Variants in RAI1 observed in about 807,000 individuals in gnomAD.
RAI1 encodes the protein retinoic acid-induced protein 1.
In RAI1, 9 loss-of-function variants were observed where a neutral mutation model predicts 123.8. The ratio of observed to expected loss-of-function variants is 0.07; its 90% CI spans 0.04 to 0.13. The LOEUF is 0.13. Ranked by LOEUF, RAI1 falls within the 10% of genes least tolerant of loss-of-function variation. The pLI is 1.00. For missense variants in RAI1, 2,256 were observed against 2,545.8 expected (o/e 0.89, Z 2.45); for synonymous variants, 1,231 against 1,127.3 (o/e 1.09, Z -1.84).
At chr17:17,802,103 C>T (rs1396237341) in intron 3 of RAI1, 2 of 470,926 alleles carry the variant, frequency 4.2e-6, no homozygotes, top group Admixed American at 4.7e-5. Flanking sequence ...GTTTGCTTCA[C>T]TCTTCCAAGG....
rs775060465 is a variant in RAI1 at position 17,796,152 on chromosome 17, G to A, written c.3204G>A (p.Thr1068=). 12 of 1,565,540 alleles carry A rather than the reference G, an allele frequency of 7.7e-6. No homozygotes were observed. In the Middle Eastern group the frequency reaches 5.1e-4, roughly 66 times the overall value. The change falls in exon 3 of 6, where the codon ACG becomes ACA. Residue 1068 remains threonine, a synonymous_variant. Coordinates refer to ENST00000353383, the MANE Select transcript of RAI1 (RefSeq NM_030665.4). The surrounding 1 kb of genome is among the most constrained non-coding windows in gnomAD (Gnocchi z 5.8). ...TCACGGCCCTGAGTGAGCCCCGCAC[G>A]CCCGGACCCCCAGGCCTGACCACCA... The part of the protein sequence containing the change: ...RSLTALSEPR[T]PGPPGLTTTP...
chr17:17,718,431 T>C (rs1915777239), intron 1 of RAI1, among the ~76,000 whole-genome samples: 1 of 152,226 alleles, frequency 6.6e-6, no homozygotes, highest in Admixed American at 6.5e-5. Context: ...TTTCACATGG[T>C]AGCCCCAGCT....
chr17:17,697,700 G>A (rs551326844), intron 1 of RAI1, among the ~76,000 whole-genome samples: 2 of 152,322 alleles, frequency 1.3e-5, no homozygotes, highest in South Asian at 2.1e-4. Flanking sequence ...TGGGGTTTGT[G>A]TACATGGCAG....
chr17:17,791,730 G>T (rs1284818370), intron 2 of RAI1, among the ~76,000 whole-genome samples: 2 of 152,186 alleles, frequency 1.3e-5, no homozygotes, highest in Non-Finnish European at 2.9e-5. Flanking sequence ...AAAACCTGGG[G>T]CATTCCTCTT....
chr17:17,778,817 C>T lies in RAI1; in HGVS notation c.-16-14116C>T, dbSNP rs1269550258. ...GGGGCCAGGCCAAGCTAGCTATGTA[C>T]AGCTGGAAGAGGCTCTCTCCCCCAG... is the stretch of plus-strand genomic sequence containing the variant. On this transcript the variant is annotated intron_variant, in intron 2 of 5. Transcript: ENST00000353383. 2.2e-5 allele frequency: 10 copies of T among 456,642 alleles called. No homozygotes were observed. In the Admixed American group the frequency reaches 2.3e-4, roughly 11 times the overall value. The allele number at this position is 456,642 out of a possible 1,614,324, so 28.3% of individuals were successfully genotyped here.
At chr17:17,706,115 G>A (rs1915386997) in intron 1 of RAI1, among the ~76,000 whole-genome samples, 1 of 151,962 alleles carries the variant, frequency 6.6e-6, no homozygotes, top group South Asian at 2.1e-4. Flanking sequence ...CAGGCCAGCA[G>A]GGAGCTATGG....
intron 1 of RAI1, among the ~76,000 whole-genome samples, chr17:17,683,091 T>C (rs1432492669): frequency 6.6e-6 from 1 of 152,194 alleles, no homozygotes; most frequent in Non-Finnish European, 1.5e-5. Flanking sequence ...TTTATGTCTT[T>C]CCAATGCAGT....
At chr17:17,784,932 A>G (rs1270905659) in intron 2 of RAI1, among the ~76,000 whole-genome samples, 4 of 152,128 alleles carry the variant, frequency 2.6e-5, no homozygotes, top group Non-Finnish European at 5.9e-5. Flanking sequence ...GCTGCTGCTT[A>G]CATGGGGTGC....
rs866451141 is a variant in RAI1 at position 17,731,360 on chromosome 17, G to A, written c.-17+7201G>A. On this transcript the variant is annotated intron_variant, in intron 2 of 5. Transcript: ENST00000353383. ...ACAGGGGCTGGGTCTCCAAGGGGAA[G>A]CATTTTGCTGCAGAAGGAAGGGTGT... Among the ~76,000 whole-genome samples, 12 of 152,364 alleles carry A rather than the reference G, an allele frequency of 7.9e-5. No homozygotes were observed. In the South Asian group the frequency reaches 2.5e-3, roughly 32 times the overall value.
At chr17:17,688,812 C>G (rs1238873695) in intron 1 of RAI1, among the ~76,000 whole-genome samples, 2 of 151,930 alleles carry the variant, frequency 1.3e-5, no homozygotes, top group Non-Finnish European at 2.9e-5. Context: ...GCTGGTCAGG[C>G]TGGTCTCAAA....
intron 2 of RAI1, among the ~76,000 whole-genome samples, chr17:17,769,299 G>A (rs2031054535): frequency 6.6e-6 from 1 of 152,162 alleles, no homozygotes; most frequent in Non-Finnish European, 1.5e-5. Context: ...GGATGGGGGT[G>A]TCCCCCCAAA....
chr17:17,805,766 G>A (rs2032582918), intron 4 of RAI1, among the ~76,000 whole-genome samples: 2 of 152,194 alleles, frequency 1.3e-5, no homozygotes, highest in African/African-American at 2.4e-5. Context: ...CTCCCACTCT[G>A]AGCAGTGTGA....
At chr17:17,730,620 G>A (rs1916238377) in intron 2 of RAI1, among the ~76,000 whole-genome samples, 1 of 152,256 alleles carries the variant, frequency 6.6e-6, no homozygotes, top group Non-Finnish European at 1.5e-5. Flanking sequence ...TGGCTTCAAT[G>A]CTGCTGCCCA....
chr17:17,796,611 G>T lies in RAI1; in HGVS notation c.3663G>T (p.Ala1221=). Residue 1221 remains alanine, a synonymous_variant, in exon 3 of 6, where the codon GCG becomes GCT. Transcript: ENST00000353383. The surrounding 1 kb of genome is among the most constrained non-coding windows in gnomAD (Gnocchi z 5.8). ...GSKLSDRPLH[A]LKRKSAFMAP... ...AGCTCTCTGACCGGCCCCTCCATGC[G>T]CTCAAAAGGAAGTCGGCCTTCATGG... is the stretch of plus-strand genomic sequence containing the variant. The T allele has an allele frequency of 6.2e-7, 1 of 1,612,080 alleles. No individual in the cohort carries two copies. Among genetic ancestry groups the T allele is most frequent in the Non-Finnish European group, 8.5e-7 (1 of 1,179,784 alleles).
intron 2 of RAI1, among the ~76,000 whole-genome samples, chr17:17,776,257 A>G (rs899447502): frequency 6.6e-6 from 1 of 152,150 alleles, no homozygotes; most frequent in African/African-American, 2.4e-5. Flanking sequence ...AAACCAGGTT[A>G]TTTTTTCAGT....
At position 17,800,180 on chromosome 17, in the gene RAI1, G is replaced by GTGTC. The variant is rs1407505001; in HGVS notation, c.5565+1668_5565+1669insGTCT. On this transcript the variant is annotated intron_variant, in intron 3 of 5. Transcript: ENST00000353383. The surrounding 1 kb of genome is among the most constrained non-coding windows in gnomAD (Gnocchi z 4.7). Reference sequence around the variant, plus strand: ...TCTCTCCTGCTTTCTGTCTCTCTCTGTCTCTCTCTCTCTCTCTCTCTCTCT... The same window carrying GTGTC: ...TCTCTCCTGCTTTCTGTCTCTCTCTGTGTCTCTCTCTCTCTCTCTCTCTCTCTCT... 8.6e-6 allele frequency among the ~76,000 whole-genome samples: 1 copy of GTGTC among 116,318 alleles called. No individual in the cohort carries two copies. Among genetic ancestry groups the GTGTC allele is most frequent in the African/African-American group, 3.0e-5 (1 of 33,338 alleles). 76.3% of individuals were successfully genotyped at this position (116,318 alleles called of 152,430 possible).
rs746390296 is a variant in RAI1 at position 17,794,999 on chromosome 17, C to T, written c.2051C>T (p.Pro684Leu). ...DKGGNAKDFS[P>L]GLFEDPSVAF... ...GGCGGCAATGCCAAGGACTTCAGCC[C>T]AGGGCTGTTTGAAGACCCTTCCGTG... Residue 684 changes from proline to leucine, a missense_variant, in exon 3 of 6, where the codon CCA (proline) becomes CTA (leucine). Coordinates refer to ENST00000353383, the MANE Select transcript of RAI1 (RefSeq NM_030665.4). The T allele has an allele frequency of 6.2e-7, 1 of 1,614,074 alleles. No individual in the cohort carries two copies.
At chr17:17,694,238 A>T (rs191410805) in intron 1 of RAI1, among the ~76,000 whole-genome samples, 84 of 152,250 alleles carry the variant, frequency 5.5e-4, no homozygotes, top group Middle Eastern at 3.4e-3. Flanking sequence ...TCTCTGCCCA[A>T]TAACGGATGC....
At position 17,809,174 on chromosome 17, in the gene RAI1, G is replaced by A. The variant is rs2032655447; in HGVS notation, c.5660-216G>A. The A allele has an allele frequency of 1.5e-6, 1 of 651,588 alleles. No individual in the cohort carries two copies. Among genetic ancestry groups the A allele is most frequent in the African/African-American group, 1.8e-5 (1 of 55,426 alleles). 40.4% of individuals were successfully genotyped at this position (651,588 alleles called of 1,614,324 possible). On this transcript the variant is annotated intron_variant, in intron 4 of 5. Coordinates refer to ENST00000353383, the MANE Select transcript of RAI1 (RefSeq NM_030665.4). This position sits in a 1 kb window ranked among gnomAD's most constrained non-coding sequence, Gnocchi z 4.9. ...GAAAAGCTCTCCGCGGAGGAGGTGA[G>A]GTGAGTCAAGACTGCCAGGCCAGGG...
Sources: allele counts gnomAD v4.1 joint callset (sites outside exome capture counted in the v4.1 genomes callset), GRCh38; gene constraint gnomAD v4.1.1; non-coding constraint Gnocchi (gnomAD v3.1); transcripts MANE v1.5; gene names NCBI Gene and HGNC (gene_info 2026-07-23, HGNC 2026-07-21).